PSMC6: variants seen among roughly 807,000 people sequenced by gnomAD.
PSMC6 encodes the protein proteasome 26S subunit, ATPase 6, also known as 26S proteasome regulatory subunit 10B.
A neutral mutation model predicts 55.9 loss-of-function variants in PSMC6; 3 were observed. That is an observed-to-expected ratio of 0.05 (90% CI 0.02 to 0.14). The LOEUF (loss-of-function observed/expected upper bound fraction) is 0.14. Ranked by LOEUF, PSMC6 falls within the 10% of genes least tolerant of loss-of-function variation. The pLI is 1.00. For missense variants in PSMC6, 210 were observed against 478.7 expected (o/e 0.44, Z 5.24); for synonymous variants, 137 against 155.9 (o/e 0.88, Z 0.90).
Position 52,707,229 on chromosome 14 carries a change from C to T in PSMC6, c.10C>T (p.Pro4Ser), listed in dbSNP as rs142367793. Residue 4 changes from proline to serine, a missense_variant, in exon 1 of 14, where the codon CCT becomes TCT. By Grantham distance (74) the Pro-to-Ser change is moderately conservative. Transcript: ENST00000445930. The part of the protein sequence containing the change: MAD[P>S]RDKALQDYRK... ...GAGACGGCTTCTCATCATGGCGGAC[C>T]CTAGAGATAAGGCGCTTCAGGACTA... 6 of 1,614,058 alleles carry T rather than the reference C, an allele frequency of 3.7e-6. No homozygotes were observed. Among genetic ancestry groups the T allele is most frequent in the Non-Finnish European group, 5.1e-6 (6 of 1,180,020 alleles).
intron 4 of PSMC6, chr14:52,709,189 G>A: frequency 5.1e-6 from 1 of 196,028 alleles, no homozygotes; most frequent in South Asian, 8.4e-5. Flanking sequence ...CTTATGGACT[G>A]TACCATGGCC....
At chr14:52,707,438 T>C in intron 1 of PSMC6, 134 bp downstream of exon 1, 1 of 1,228,650 alleles carries the variant, frequency 8.1e-7, no homozygotes, top group Non-Finnish European at 1.1e-6. Flanking sequence ...CAAGGCGCTT[T>C]GTCATCCGGC....
Position 52,720,918 on chromosome 14 carries a change from A to G in PSMC6, c.835A>G (p.Thr279Ala), listed in dbSNP as rs1362691659. Reference sequence around the variant, plus strand: ...GCATAGAGTTAAAATGATCATGGCTACAAACAGACCAGATACACTGGATCC... The same window carrying G: ...GCATAGAGTTAAAATGATCATGGCTGCAAACAGACCAGATACACTGGATCC... ...TLHRVKMIMA[T>A]NRPDTLDPAL... is the part of the protein sequence containing the mutation. Residue 279 changes from threonine to alanine, a missense_variant, in exon 11 of 14, where the codon ACA becomes GCA. Coordinates refer to ENST00000445930, the MANE Select transcript of PSMC6 (RefSeq NM_002806.5). 6.2e-7 allele frequency: 1 copy of G among 1,612,588 alleles called. No individual in the cohort carries two copies. Among genetic ancestry groups the G allele is most frequent in the Non-Finnish European group, 8.5e-7 (1 of 1,178,688 alleles).
Position 52,713,376 on chromosome 14 carries a change from G to T in PSMC6, c.442-505G>T, listed in dbSNP as rs1298330584. ...TCTTTAAAAGCTGCCGTGGCAAAAT[G>T]CCAACAGATAAAAATTGTATATACC... On this transcript the variant is annotated intron_variant, in intron 6 of 13. Coordinates refer to ENST00000445930, the MANE Select transcript of PSMC6 (RefSeq NM_002806.5). 8.5e-5 allele frequency among the ~76,000 whole-genome samples: 13 copies of T among 152,152 alleles called. 1 individual carries two copies. The highest frequency in any genetic ancestry group is 8.5e-4 in the Admixed American group (13 of 15,278).
rs1457445565 is a variant in PSMC6, at chr14:52,713,929, A to G, written c.490A>G (p.Ile164Val). The G allele has an allele frequency of 1.2e-6, 2 of 1,600,642 alleles. No homozygotes were observed. Among genetic ancestry groups the G allele is most frequent in the Non-Finnish European group, 1.7e-6 (2 of 1,170,156 alleles). The change falls in exon 7 of 14, where the codon ATA becomes GTA. Residue 164 changes from isoleucine to valine, a missense_variant. Physicochemically the swap from Ile to Val is conservative, Grantham distance 29 (BLOSUM62 3). Coordinates refer to ENST00000445930, the MANE Select transcript of PSMC6 (RefSeq NM_002806.5). ...TNPELFQRVG[I>V]IPPKGCLLYG... ...CCCAGAGTTATTTCAGCGTGTAGGA[A>G]TAATACCTCCAAAAGGCTGTTTGTT...
chr14:52,710,435 C>CA (rs1280976950), intron 4 of PSMC6: 13 of 145,662 alleles, frequency 8.9e-5, no homozygotes, highest in South Asian at 6.5e-4. Context: ...TACTCCATCT[C>CA]AAAAAAAAAA....
chr14:52,716,661 G>A lies in PSMC6; in HGVS notation c.530-1420G>A, dbSNP rs2041833082. Among the ~76,000 whole-genome samples, 4 of 152,078 alleles carry A rather than the reference G, an allele frequency of 2.6e-5. No homozygotes were observed. In the South Asian group the frequency reaches 6.2e-4, roughly 24 times the overall value. The stretch of plus-strand genomic sequence containing the variant: ...CCAGCTACTCGGGAGGCAGAGGCAG[G>A]AGAATCACTTGAACCTGGGAGGCAG... On this transcript the variant is annotated intron_variant, in intron 7 of 13. Transcript: ENST00000445930.
intron 12 of PSMC6, 198 bp from the exon 13 acceptor site, chr14:52,723,767 G>T: frequency 3.2e-6 from 4 of 1,234,446 alleles, no homozygotes; most frequent in Non-Finnish European, 3.2e-6. Flanking sequence ...AGTTTCAGGG[G>T]TGTGTCTAAT....
intron 1 of PSMC6, among the ~76,000 whole-genome samples, chr14:52,708,082 A>G (rs1294221829): frequency 6.6e-6 from 1 of 152,210 alleles, no homozygotes; most frequent in African/African-American, 2.4e-5. Flanking sequence ...TTAAACAAGT[A>G]TTGCCGATCA....
At chr14:52,716,575 G>A (rs988539204) in intron 7 of PSMC6, among the ~76,000 whole-genome samples, 3 of 152,150 alleles carry the variant, frequency 2.0e-5, no homozygotes, top group Non-Finnish European at 4.4e-5. Flanking sequence ...CCAACATGGA[G>A]AAACCCCGTC....
intron 4 of PSMC6, chr14:52,709,610 T>C (rs572847768): frequency 2.2e-6 from 1 of 456,038 alleles, no homozygotes; most frequent in Admixed American, 2.4e-5. Flanking sequence ...ATTTCTAAGA[T>C]ATTTCAGGTT....
chr14:52,716,341 T>A (rs960360150), intron 7 of PSMC6, among the ~76,000 whole-genome samples: 2 of 152,174 alleles, frequency 1.3e-5, no homozygotes, highest in African/African-American at 4.8e-5. Context: ...CACTTCTGGG[T>A]TTATATCTAA....
intron 12 of PSMC6, chr14:52,722,486 G>A (rs1356904791): frequency 6.6e-6 from 1 of 151,740 alleles, no homozygotes; most frequent in Non-Finnish European, 1.5e-5. Flanking sequence ...ACTTTTATGA[G>A]ACTGGAGGAA....
At position 52,720,992 on chromosome 14, in the gene PSMC6, A is replaced by C; in HGVS notation, c.898+11A>C. 1.2e-6 allele frequency: 2 copies of C among 1,611,792 alleles called. No homozygotes were observed. The highest frequency in any genetic ancestry group is 8.5e-7 in the Non-Finnish European group (1 of 1,178,552). On this transcript the variant is annotated intron_variant, in intron 11 of 13. Coordinates refer to ENST00000445930, the MANE Select transcript of PSMC6 (RefSeq NM_002806.5). ...TAGATAGAAAAATACGTGAGTTAAGATTCTTTACCTACTGTCCATTTCCCT... is the reference window on the plus strand; with the variant it reads ...TAGATAGAAAAATACGTGAGTTAAGCTTCTTTACCTACTGTCCATTTCCCT...
intron 7 of PSMC6, among the ~76,000 whole-genome samples, chr14:52,715,430 C>T (rs1365592782): frequency 1.3e-5 from 2 of 152,116 alleles, no homozygotes; most frequent in Non-Finnish European, 2.9e-5. Flanking sequence ...TTATTGATTA[C>T]TCAAGACTGG....
In PSMC6 at chr14:52,713,886, A is replaced by T. The variant is rs1357964135; in HGVS notation, c.447A>T (p.Ile149=). 6.4e-7 allele frequency: 1 copy of T among 1,574,032 alleles called. No homozygotes were observed. The highest frequency in any genetic ancestry group is 2.2e-5 in the East Asian group (1 of 44,520). ...AGATTTAACTTCTTTTCTAGGTGAT[A>T]GAATTACCTCTTACAAACCCAGAGT... is the stretch of plus-strand genomic sequence containing the variant. ...SEQIRELREV[I]ELPLTNPELF... is the part of the protein sequence containing the mutation. The change falls in exon 7 of 14, where the codon ATA becomes ATT. Residue 149 remains isoleucine, a synonymous_variant. Coordinates refer to ENST00000445930, the MANE Select transcript of PSMC6 (RefSeq NM_002806.5).
At chr14:52,718,576 C>A in intron 9 of PSMC6, 1 of 466,356 alleles carries the variant, frequency 2.1e-6, no homozygotes, top group Non-Finnish European at 3.8e-6. Context: ...ATCACCAGGT[C>A]AGGAGATCGA....
intron 13 of PSMC6, among the ~76,000 whole-genome samples, 164 bp from the exon 14 acceptor site, chr14:52,727,335 T>G (rs1021004333): frequency 1.3e-5 from 2 of 152,138 alleles, no homozygotes; most frequent in Non-Finnish European, 2.9e-5. Flanking sequence ...GGCCTGTGGA[T>G]TTTAATTGAA....
intron 9 of PSMC6, 73 bp from the exon 10 acceptor site, chr14:52,718,904 T>G (rs976218818): frequency 8.7e-7 from 1 of 1,147,780 alleles, no homozygotes; most frequent in Non-Finnish European, 1.3e-6. Flanking sequence ...CAGACTGTTA[T>G]GTTCTGTTTT....
Sources: gnomAD v4.1 joint callset for allele counts (sites outside exome capture counted in the v4.1 genomes callset) on GRCh38, gnomAD v4.1.1 for gene constraint, MANE v1.5 for transcripts, NCBI Gene and HGNC (gene_info 2026-07-23, HGNC 2026-07-21) for gene names.